The following SPATA16 variants were observed in gnomAD, a reference collection of about 807,000 sequenced individuals.
SPATA16 encodes the protein spermatogenesis associated 16.
In SPATA16, 36 loss-of-function variants were observed where a neutral mutation model predicts 63.3. The observed-to-expected ratio is 0.57, with a 90% CI of 0.44 to 0.75. SPATA16 has a LOEUF of 0.75. Ranked by LOEUF, SPATA16 falls within the 30% of genes least tolerant of loss-of-function variation. The probability of loss-of-function intolerance (pLI) is 0.00; values close to 1 mark genes in which losing one functional copy is unlikely to be tolerated. For synonymous variants in SPATA16, 203 were observed against 216.7 expected, an observed-to-expected ratio of 0.94 and a Z score of 0.56; for missense variants, 646 against 679.3, an observed-to-expected ratio of 0.95 and a Z score of 0.54.
At chr3:173,025,686 A>G (rs1401396647) in intron 3 of SPATA16, among the ~76,000 whole-genome samples, 1 of 151,926 alleles carries the variant, frequency 6.6e-6, no homozygotes, top group South Asian at 2.1e-4. Flanking sequence ...TCTCTAGAAT[A>G]TCACTTAAAT....
At chr3:172,928,075 A>G (rs1260753182) in intron 6 of SPATA16, among the ~76,000 whole-genome samples, 1 of 151,854 alleles carries the variant, frequency 6.6e-6, no homozygotes, top group Admixed American at 6.6e-5. Flanking sequence ...ACACCCAGCT[A>G]ATTTTGTATT....
chr3:172,932,916 G>T (rs1310919712), intron 6 of SPATA16, among the ~76,000 whole-genome samples: 2 of 152,026 alleles, frequency 1.3e-5, no homozygotes, highest in Non-Finnish European at 2.9e-5. Context: ...ACTTCTCCAA[G>T]ATCAATTTTT....
chr3:173,050,439 A>G (rs927953752), intron 2 of SPATA16, among the ~76,000 whole-genome samples: 3 of 152,114 alleles, frequency 2.0e-5, no homozygotes, highest in African/African-American at 7.2e-5. Context: ...AGTAAAAAAT[A>G]CTTACTGAGC....
At chr3:172,982,910 G>A (rs909453307) in intron 4 of SPATA16, among the ~76,000 whole-genome samples, 8 of 152,040 alleles carry the variant, frequency 5.3e-5, no homozygotes, top group Admixed American at 3.3e-4. Flanking sequence ...ACATGGTGGT[G>A]TAAAACAATA....
At chr3:172,961,062 T>TC (rs1733761238) in intron 5 of SPATA16, among the ~76,000 whole-genome samples, 3 of 37,008 alleles carry the variant, frequency 8.1e-5, no homozygotes, top group Non-Finnish European at 1.7e-4. Flanking sequence ...TTTCTTTCTT[T>TC]CTTCTTTCTT....
rs981966869 is a variant in SPATA16 at position 172,890,519 on chromosome 3, G to C, written c.1588-827C>G. Among the ~76,000 whole-genome samples the C allele has an allele frequency of 1.3e-4, 20 of 152,184 alleles. No homozygotes were observed. In the East Asian group the frequency reaches 3.5e-3, roughly 26 times the overall value. ...CTCATTGTCATAAAGTTAACTCAAA[G>C]CTAGAGCACTTACTATTCAAGGTAC... On this transcript the variant is annotated intron_variant, in intron 10 of 10. Coordinates refer to ENST00000351008, the MANE Select transcript of SPATA16 (RefSeq NM_031955.6).
chr3:172,945,590 C>A (rs920100484), intron 6 of SPATA16, among the ~76,000 whole-genome samples: 1 of 152,138 alleles, frequency 6.6e-6, no homozygotes, highest in Non-Finnish European at 1.5e-5. Flanking sequence ...AGGGAGAATA[C>A]AGTAATTGTG....
At chr3:173,017,778 C>T (rs1400661018) in intron 4 of SPATA16, among the ~76,000 whole-genome samples, 1 of 152,206 alleles carries the variant, frequency 6.6e-6, no homozygotes, top group Non-Finnish European at 1.5e-5. Flanking sequence ...TATCAATACA[C>T]CACCTCTTAA....
chr3:173,087,625 CTG>C (rs1737091788), intron 2 of SPATA16, among the ~76,000 whole-genome samples: 1 of 152,126 alleles, frequency 6.6e-6, no homozygotes, highest in East Asian at 1.9e-4. Context: ...TGTCATTGGT[CTG>C]TGTACTTCAT....
chr3:172,955,365 T>C (rs1733544174), intron 6 of SPATA16, among the ~76,000 whole-genome samples: 1 of 152,182 alleles, frequency 6.6e-6, no homozygotes, highest in South Asian at 2.1e-4. Context: ...GACTTTTATG[T>C]GCTGCTAGCA....
At chr3:173,032,873 A>G (rs1443395395) in intron 3 of SPATA16, among the ~76,000 whole-genome samples, 2 of 152,142 alleles carry the variant, frequency 1.3e-5, no homozygotes, top group African/African-American at 4.8e-5. Flanking sequence ...CAGTCAATAA[A>G]TGTTTACAGA....
intron 4 of SPATA16, among the ~76,000 whole-genome samples, chr3:173,017,012 T>G (rs961508304): frequency 4.5e-4 from 6 of 13,210 alleles, no homozygotes; most frequent in African/African-American, 1.1e-3. Flanking sequence ...CAAGACTGTC[T>G]CAAAAAAAAA....
intron 5 of SPATA16, among the ~76,000 whole-genome samples, chr3:172,972,042 C>T (rs1734058626): frequency 6.6e-6 from 1 of 152,120 alleles, no homozygotes; most frequent in African/African-American, 2.4e-5. Flanking sequence ...TCAGCCAGCT[C>T]CCAGTTTTGT....
intron 5 of SPATA16, among the ~76,000 whole-genome samples, chr3:172,974,672 G>T (rs527811831): frequency 5.3e-5 from 8 of 152,194 alleles, no homozygotes; most frequent in African/African-American, 1.9e-4. Context: ...TTATCTGCAG[G>T]AAGTGATTTC....
At chr3:173,124,227 A>G (rs950839842) in intron 1 of SPATA16, among the ~76,000 whole-genome samples, 2 of 152,260 alleles carry the variant, frequency 1.3e-5, no homozygotes, top group Non-Finnish European at 2.9e-5. Flanking sequence ...TGGAACTGCA[A>G]GAAAGGTTTG....
At chr3:173,136,385 G>C (rs1738546501) in intron 1 of SPATA16, among the ~76,000 whole-genome samples, 1 of 150,474 alleles carries the variant, frequency 6.6e-6, no homozygotes, top group Non-Finnish European at 1.5e-5. Flanking sequence ...GGACATAGTA[G>C]GTATATATAT....
chr3:173,092,672 G>T (rs1737252098), intron 2 of SPATA16, among the ~76,000 whole-genome samples: 1 of 152,074 alleles, frequency 6.6e-6, no homozygotes, highest in Non-Finnish European at 1.5e-5. Context: ...ATTTAACCCT[G>T]CAAACACCTT....
intron 2 of SPATA16, among the ~76,000 whole-genome samples, chr3:173,055,514 T>C (rs1162695222): frequency 6.6e-6 from 1 of 152,160 alleles, no homozygotes; most frequent in Admixed American, 6.5e-5. Context: ...AGTAAAAAAA[T>C]CTGATCTCAA....
intron 3 of SPATA16, among the ~76,000 whole-genome samples, chr3:173,041,659 T>C (rs914221319): frequency 2.6e-5 from 4 of 152,120 alleles, no homozygotes; most frequent in Non-Finnish European, 5.9e-5. Flanking sequence ...ATTATTTTAC[T>C]ATAGTATTGT....
Sources: gnomAD v4.1 joint callset for allele counts (sites outside exome capture counted in the v4.1 genomes callset) on GRCh38, gnomAD v4.1.1 for gene constraint, MANE v1.5 for transcripts, NCBI Gene and HGNC (gene_info 2026-07-23, HGNC 2026-07-21) for gene names.